C22orf42: variants seen among roughly 807,000 people sequenced by gnomAD.
C22orf42 encodes the protein chromosome 22 open reading frame 42.
Under a neutral mutation model 31.4 loss-of-function variants are expected in C22orf42, and 24 were observed. The ratio of observed to expected loss-of-function variants is 0.77; its 90% CI spans 0.55 to 1.08. C22orf42 has a LOEUF of 1.08. Among genes scored for constraint, C22orf42 ranks in the 50% least tolerant of loss-of-function variants. C22orf42 has a pLI of 0.00. For missense variants in C22orf42, 276 were observed against 327.3 expected (o/e 0.84, Z 1.21); for synonymous variants, 96 against 112.7 (o/e 0.85, Z 0.94).
chr22:32,154,655 T>A lies in C22orf42; in HGVS notation c.233-337A>T, dbSNP rs569476922. Among the ~76,000 whole-genome samples the A allele has an allele frequency of 9.9e-5, 15 of 151,982 alleles. No homozygotes were observed. In the South Asian group the frequency reaches 1.3e-3, roughly 13 times the overall value. ...TAGAATCTGCACATACCTGGGAGAG[T>A]GAAATGAACCCCTCTGTGCCTCAGT... is the stretch of plus-strand genomic sequence containing the variant. On this transcript the variant is annotated intron_variant, in intron 1 of 8. Coordinates refer to ENST00000382097, the MANE Select transcript of C22orf42 (RefSeq NM_001010859.3).
intron 8 of C22orf42, 27 bp downstream of exon 8, chr22:32,149,726 T>TATATGTAG: frequency 8.3e-7 from 1 of 1,197,928 alleles, no homozygotes; most frequent in Non-Finnish European, 1.1e-6. Flanking sequence ...TATATATCTA[T>TATATGTAG]ATATATCTAG....
At chr22:32,152,195 T>G in intron 3 of C22orf42, 101 bp from the exon 4 acceptor site, 7 of 1,386,778 alleles carry the variant, frequency 5.0e-6, no homozygotes, top group Non-Finnish European at 3.0e-6. Context: ...AAAAACCGGA[T>G]GTGAAACAGT....
At chr22:32,151,458 T>A (rs1397806746) in intron 5 of C22orf42, 29 bp downstream of exon 5, 4 of 1,606,762 alleles carry the variant, frequency 2.5e-6, no homozygotes, top group Non-Finnish European at 3.4e-6. Context: ...AAAAAGCATT[T>A]CTCTTCCAGA....
chr22:32,158,434 T>C (rs1218052810), intron 1 of C22orf42, among the ~76,000 whole-genome samples: 2 of 152,232 alleles, frequency 1.3e-5, no homozygotes, highest in Non-Finnish European at 2.9e-5. Context: ...TTGCAGTCAT[T>C]TGAAGCATGT....
intron 1 of C22orf42, among the ~76,000 whole-genome samples, chr22:32,157,874 C>T (rs1368715801): frequency 6.6e-6 from 1 of 152,300 alleles, no homozygotes; most frequent in Non-Finnish European, 1.5e-5. Context: ...CCTGCTGCTG[C>T]CCACCTTGTG....
chr22:32,153,627 C>T (rs1238369319), intron 2 of C22orf42, among the ~76,000 whole-genome samples: 6 of 152,120 alleles, frequency 3.9e-5, no homozygotes, highest in Admixed American at 1.3e-4. Context: ...TAAATTCTAC[C>T]GAAATTCTTA....
chr22:32,157,148 C>A (rs140775502), intron 1 of C22orf42, among the ~76,000 whole-genome samples: 1,877 of 151,942 alleles, frequency 0.012, 32 homozygotes, highest in African/African-American at 0.039. Flanking sequence ...CTTTTAGGAT[C>A]ACTTGACTCT....
rs1320645331 is a variant in C22orf42 at position 32,152,647 on chromosome 22, A to G, written c.308-21T>C. 3.1e-6 allele frequency: 5 copies of G among 1,612,280 alleles called. No homozygotes were observed. In the South Asian group the frequency reaches 5.5e-5, roughly 18 times the overall value. ...GGGACCTAGGAGAACACAGAGTGAC[A>G]GTCAGTGCATTGGTGCTGCTGAGGA... is the stretch of plus-strand genomic sequence containing the variant. On this transcript the variant is annotated intron_variant, in intron 2 of 8. Transcript: ENST00000382097.
chr22:32,152,422 C>A (rs940839924), intron 3 of C22orf42, 140 bp downstream of exon 3: 7 of 750,458 alleles, frequency 9.3e-6, no homozygotes, highest in African/African-American at 8.8e-5. Context: ...TTGGTCATAA[C>A]CTCCAGTGAC....
chr22:32,151,008 C>G lies in C22orf42; in HGVS notation c.477G>C (p.Glu159Asp), dbSNP rs1185598163. The G allele has an allele frequency of 1.9e-6, 3 of 1,611,870 alleles. No individual in the cohort carries two copies. In the African/African-American group the frequency reaches 4.0e-5, roughly 22 times the overall value. Residue 159 changes from glutamate (E) to aspartate (D), a missense_variant, in exon 6 of 9, where the codon GAG becomes GAC. Physicochemically the swap from Glu to Asp is conservative, Grantham distance 45. Coordinates refer to ENST00000382097, the MANE Select transcript of C22orf42 (RefSeq NM_001010859.3). Reference protein sequence around the residue: ...ENITSDIEISEAKHDHHLVED... With the variant: ...ENITSDIEISDAKHDHHLVED... ...AATACGTACGGTGGTCGTGCTTGGC[C>G]TCAGATATTTCCTGCAGTAAGAGAA... is the stretch of plus-strand genomic sequence containing the variant.
chr22:32,160,321 C>G (rs754502348), upstream of C22orf42: 1 of 151,942 alleles, frequency 6.6e-6, no homozygotes, highest in Non-Finnish European at 1.5e-5. Context: ...TAAAGAATAA[C>G]AGTTTTTTGA....
chr22:32,152,974 T>C (rs749662560), intron 2 of C22orf42, among the ~76,000 whole-genome samples: 8 of 152,216 alleles, frequency 5.3e-5, no homozygotes, highest in Non-Finnish European at 1.2e-4. Flanking sequence ...TACAAGATCA[T>C]TTAACTTCTG....
chr22:32,157,634 C>T (rs5998259), intron 1 of C22orf42, among the ~76,000 whole-genome samples: 7,065 of 151,352 alleles, frequency 0.047, 221 homozygotes, highest in Non-Finnish European at 0.071. Context: ...GGGGACCTTC[C>T]GTCTTATTTC....
rs370420192 is a variant in C22orf42 at position 32,159,268 on chromosome 22, C to T, written c.-53G>A. 8.8e-6 allele frequency: 14 copies of T among 1,590,652 alleles called. No homozygotes were observed. Among genetic ancestry groups the T allele is most frequent in the Middle Eastern group, 3.3e-4 (2 of 6,000 alleles). ...AAGAGGCACAAGGACAGAATGTAGT[C>T]GGAGCTCCTCCTCCTTCTACGGCCA... is the stretch of plus-strand genomic sequence containing the variant. On this transcript the variant is annotated 5_prime_UTR_variant, in exon 1 of 9. Coordinates refer to ENST00000382097, the MANE Select transcript of C22orf42 (RefSeq NM_001010859.3).
chr22:32,150,263 A>G, intron 7 of C22orf42, 56 bp downstream of exon 7: 1 of 1,524,096 alleles, frequency 6.6e-7, no homozygotes, highest in East Asian at 2.3e-5. Context: ...TTTCATTAAT[A>G]AGGCAAGAGG....
At chr22:32,150,151 G>T (rs920979371) in intron 7 of C22orf42, among the ~76,000 whole-genome samples, 168 bp downstream of exon 7, 6 of 152,134 alleles carry the variant, frequency 3.9e-5, no homozygotes, top group African/African-American at 1.4e-4. Flanking sequence ...CTAAGACCTG[G>T]TGGACGATGG....
intron 7 of C22orf42, chr22:32,150,075 A>G: frequency 1.8e-6 from 1 of 557,234 alleles, no homozygotes; most frequent in Non-Finnish European, 3.3e-6. Flanking sequence ...ATTTTTGACT[A>G]CTGTCATCCA....
At chr22:32,157,290 TCA>T in intron 1 of C22orf42, among the ~76,000 whole-genome samples, 1 of 152,212 alleles carries the variant, frequency 6.6e-6, no homozygotes, top group South Asian at 2.1e-4. Context: ...CAGGACATTC[TCA>T]CACAGCCGCT....
At chr22:32,160,063 A>G (rs894104841), upstream of C22orf42, 6 of 152,218 alleles carry the variant, frequency 3.9e-5, no homozygotes, top group African/African-American at 1.4e-4. Context: ...AATATCTGGC[A>G]AGCCTGACAG....
Sources: gnomAD v4.1 joint callset for allele counts (sites outside exome capture counted in the v4.1 genomes callset) on GRCh38, gnomAD v4.1.1 for gene constraint, MANE v1.5 for transcripts, NCBI Gene and HGNC (gene_info 2026-07-23, HGNC 2026-07-21) for gene names.